RNASE11: variants seen among roughly 807,000 people sequenced by gnomAD.
RNASE11 encodes putative inactive ribonuclease 11.
For missense variants in RNASE11, 252 were observed against 237.8 expected, an observed-to-expected ratio of 1.06 and a Z score of -0.39; for synonymous variants, 105 against 86.1, an observed-to-expected ratio of 1.22 and a Z score of -1.21.
downstream of RNASE11, chr14:20,583,384 A>G (rs1884347308): frequency 6.5e-6 from 1 of 154,852 alleles, no homozygotes; most frequent in East Asian, 1.9e-4. Flanking sequence ...TTCCTGAAGG[A>G]CAGGCAGACT....
At chr14:20,584,553 T>C (rs1010194023) in intron 1 of RNASE11, 57 bp from the exon 3 acceptor site, 8 of 1,399,334 alleles carry the variant, frequency 5.7e-6, no homozygotes, top group Non-Finnish European at 6.6e-6. Context: ...GGTAGTTCTT[T>C]CTTCCTCCTG....
At chr14:20,590,208 G>T, upstream of RNASE11, 3 of 1,573,712 alleles carry the variant, frequency 1.9e-6, no homozygotes, top group Non-Finnish European at 2.6e-6. Context: ...CCACGGTCCA[G>T]GTCTGCCTCA....
chr14:20,586,975 A>C (rs977829502), intron 1 of RNASE11, among the ~76,000 whole-genome samples: 2 of 152,162 alleles, frequency 1.3e-5, no homozygotes, highest in African/African-American at 4.8e-5. Context: ...CATAGTGAGA[A>C]TCCATCTCTA....
At chr14:20,585,136 G>A in intron 1 of RNASE11, 1 of 964,910 alleles carries the variant, frequency 1.0e-6, no homozygotes. Context: ...TCTAACTGAG[G>A]GAAGGAGGGG....
At chr14:20,583,802 GAAAGGTTT>G (rs1008257136) in exon 2 of RNASE11, 60 of 1,459,126 alleles carry the variant, frequency 4.1e-5, no homozygotes, top group Non-Finnish European at 4.7e-5. Flanking sequence ...AGATATTAAG[GAAAGGTTT>G]AAACAAGAAT....
chr14:20,583,549 C>A, downstream of RNASE11: 1 of 260,062 alleles, frequency 3.8e-6, no homozygotes, highest in South Asian at 7.9e-5. Flanking sequence ...GGCTTTAGTC[C>A]TTGTTTCCTT....
upstream of RNASE11, chr14:20,587,938 C>T: frequency 1.3e-6 from 1 of 769,016 alleles, no homozygotes; most frequent in African/African-American, 1.9e-5. Flanking sequence ...AAGATCAGGA[C>T]AGAGAGTGCT....
At position 20,584,941 on chromosome 14, in the gene RNASE11, G is replaced by A. The variant is rs1255148106; in HGVS notation, c.-22-445C>T. 11 of 413,786 alleles carry A rather than the reference G, an allele frequency of 2.7e-5. No individual in the cohort carries two copies. In the South Asian group the frequency reaches 4.1e-4, roughly 15 times the overall value. The allele number at this position is 413,786 out of a possible 1,614,324, so 25.6% of individuals were successfully genotyped here. On this transcript the variant is annotated intron_variant, in intron 1 of 1. Coordinates refer to ENST00000553849, the Ensembl canonical transcript of RNASE11. ...AGAACCTGGCACATGGTAGCCACTC[G>A]AAAACAAAATAAAACACACATTGCC...
At chr14:20,585,037 G>A (rs1046521541) in intron 1 of RNASE11, 23 of 981,974 alleles carry the variant, frequency 2.3e-5, no homozygotes, top group Middle Eastern at 1.0e-3. Flanking sequence ...CAGTTCCTTC[G>A]GCAAGTTGAT....
At chr14:20,584,553 T>TCTTC in intron 1 of RNASE11, 57 bp from the exon 3 acceptor site, 1 of 1,399,452 alleles carries the variant, frequency 7.1e-7, no homozygotes, top group Non-Finnish European at 9.5e-7. Flanking sequence ...GGTAGTTCTT[T>TCTTC]CTTCCTCCTG....
At chr14:20,584,950 A>G (rs1228220710) in intron 1 of RNASE11, 27 of 489,910 alleles carry the variant, frequency 5.5e-5, no homozygotes, top group Non-Finnish European at 6.9e-5. Context: ...CGAAAACAAA[A>G]TAAAACACAC....
chr14:20,584,247 C>T (rs1449820980), exon 2 of RNASE11: 2 of 1,614,170 alleles, frequency 1.2e-6, no homozygotes, highest in Non-Finnish European at 1.7e-6. Flanking sequence ...TTCTGAATGT[C>T]AGTAATGTGG....
At chr14:20,583,510 A>C, downstream of RNASE11, 1 of 215,648 alleles carries the variant, frequency 4.6e-6, no homozygotes, top group South Asian at 9.3e-5. Flanking sequence ...TATCATTGGC[A>C]GTACAATTAG....
exon 2 of RNASE11, chr14:20,584,406 C>T (rs1468746334): frequency 1.2e-6 from 2 of 1,613,704 alleles, no homozygotes; most frequent in East Asian, 2.2e-5. Context: ...TAATTATCTT[C>T]ATTGTGCTTT....
chr14:20,584,323 A>G, exon 2 of RNASE11: 2 of 1,614,130 alleles, frequency 1.2e-6, no homozygotes, highest in Non-Finnish European at 1.7e-6. Flanking sequence ...GTTCATTAAT[A>G]TCTCAATGGT....
exon 2 of RNASE11, chr14:20,584,193 G>A: frequency 2.5e-6 from 4 of 1,614,170 alleles, no homozygotes; most frequent in Non-Finnish European, 3.4e-6. Context: ...AACACTCTTT[G>A]TCATTACCCG....
upstream of RNASE11, among the ~76,000 whole-genome samples, chr14:20,588,912 A>C (rs1884495769): frequency 6.6e-6 from 1 of 151,736 alleles, no homozygotes; most frequent in African/African-American, 2.4e-5. Context: ...TCAGCTTCCC[A>C]AGCAGCTGGG....
chr14:20,589,744 G>T (rs1439403310), upstream of RNASE11, among the ~76,000 whole-genome samples: 1 of 151,854 alleles, frequency 6.6e-6, no homozygotes, highest in Non-Finnish European at 1.5e-5. Flanking sequence ...AAAATCAGCC[G>T]GGCGCGGTGG....
chr14:20,589,724 T>C (rs892661712), upstream of RNASE11, among the ~76,000 whole-genome samples: 4 of 151,458 alleles, frequency 2.6e-5, no homozygotes, highest in African/African-American at 7.3e-5. Flanking sequence ...TCATCTCTAC[T>C]AAAAATACAA....
Sources: allele counts gnomAD v4.1 joint callset (sites outside exome capture counted in the v4.1 genomes callset), GRCh38; gene constraint gnomAD v4.1.1; transcripts MANE v1.5; gene names NCBI Gene and HGNC (gene_info 2026-07-23, HGNC 2026-07-21).